The following CAMTA1 variants were observed in gnomAD, a reference collection of about 807,000 sequenced individuals.
The protein encoded by CAMTA1 is calmodulin binding transcription activator 1.
Under a neutral mutation model 170.9 loss-of-function variants are expected in CAMTA1, and 27 were observed. The ratio of observed to expected loss-of-function variants is 0.16; its 90% CI spans 0.12 to 0.22. The LOEUF (loss-of-function observed/expected upper bound fraction) is 0.22. CAMTA1 is among the 10% of genes least tolerant of loss of function. The probability of loss-of-function intolerance (pLI) is 1.00; values close to 1 mark genes in which losing one functional copy is unlikely to be tolerated. For synonymous variants in CAMTA1, 833 were observed against 891.5 expected (o/e 0.93, Z 1.17); for missense variants, 1,619 against 2,217.2 (o/e 0.73, Z 5.42).
chr1:6,991,966 TG>T (rs1696454850), intron 3 of CAMTA1, among the ~76,000 whole-genome samples: 1 of 152,264 alleles, frequency 6.6e-6, no homozygotes, highest in African/African-American at 2.4e-5. Context: ...CCTCCCAAAG[TG>T]CTGGGATTAC....
chr1:7,565,376 C>A lies in CAMTA1; in HGVS notation c.511-75024C>A, dbSNP rs1425758834. 1.3e-5 allele frequency among the ~76,000 whole-genome samples: 2 copies of A among 152,112 alleles called. No homozygotes were observed. Among genetic ancestry groups the A allele is most frequent in the Non-Finnish European group, 2.9e-5 (2 of 68,012 alleles). ...AGCAGGGGCAGAAGGCTGGTGAGGG[C>A]CCAGGGGAGCCTACTGGGACAGCTG... On this transcript the variant is annotated intron_variant, in intron 6 of 22. Transcript: ENST00000303635. The surrounding 1 kb of genome is among the most constrained non-coding windows in gnomAD (Gnocchi z 4.5).
At chr1:7,337,306 C>T (rs1007013823) in intron 5 of CAMTA1, among the ~76,000 whole-genome samples, 5 of 152,198 alleles carry the variant, frequency 3.3e-5, no homozygotes, top group East Asian at 1.9e-4. Context: ...TAGGAGAGGG[C>T]GTGTCTGATA....
Position 6,907,980 on chromosome 1 carries a change from C to T in CAMTA1, c.234+82770C>T, listed in dbSNP as rs1019794663. On this transcript the variant is annotated intron_variant, in intron 3 of 22. Coordinates refer to ENST00000303635, the MANE Select transcript of CAMTA1 (RefSeq NM_015215.4). ...TGCCTTCCGGCTCCCTCGCCAGCCT[C>T]GTGGCCTCATGTCTTGTCACTTTTT... Among the ~76,000 whole-genome samples the T allele has an allele frequency of 3.9e-5, 6 of 152,326 alleles. No homozygotes were observed. The East Asian group carries it at 9.7e-4, about 25-fold the overall frequency.
At chr1:7,182,974 T>C (rs1652521044) in intron 4 of CAMTA1, among the ~76,000 whole-genome samples, 1 of 152,200 alleles carries the variant, frequency 6.6e-6, no homozygotes, top group Non-Finnish European at 1.5e-5. Context: ...GCAAATGGGC[T>C]TAGCCCTTTT....
At chr1:7,398,189 CTCTCTATATATATATATATA>C (rs1233208115) in intron 5 of CAMTA1, among the ~76,000 whole-genome samples, 47 of 32,306 alleles carry the variant, frequency 1.5e-3, no homozygotes, top group African/African-American at 6.1e-3. Context: ...CTCTCTCTCT[CTCTCTATATATATATATATA>C]TATATATATA....
intron 6 of CAMTA1, among the ~76,000 whole-genome samples, chr1:7,491,641 G>A (rs578215701): frequency 6.6e-6 from 1 of 152,028 alleles, no homozygotes; most frequent in African/African-American, 2.4e-5. Context: ...GTGTTGATCC[G>A]TTGCCCAGGC....
intron 6 of CAMTA1, among the ~76,000 whole-genome samples, chr1:7,512,258 G>A (rs1009163219): frequency 1.3e-4 from 20 of 152,224 alleles, no homozygotes; most frequent in African/African-American, 4.8e-4. Flanking sequence ...GGCCCCAAAC[G>A]ATGGGCAGAA....
In CAMTA1 at chr1:6,970,734, A is replaced by G. The variant is rs919395902; in HGVS notation, c.235-120570A>G. On this transcript the variant is annotated intron_variant, in intron 3 of 22. Transcript: ENST00000303635. The surrounding 1 kb of genome is among the most constrained non-coding windows in gnomAD (Gnocchi z 4.4). ...TCATCCAGTCCTGGTGGGTCAGGAC[A>G]TTCTACTATAGCAAGTGCTATCTCA... 1.3e-5 allele frequency among the ~76,000 whole-genome samples: 2 copies of G among 152,202 alleles called. No homozygotes were observed. The highest frequency in any genetic ancestry group is 2.9e-5 in the Non-Finnish European group (2 of 68,032).
At chr1:6,876,466 G>T (rs572889801) in intron 3 of CAMTA1, among the ~76,000 whole-genome samples, 1 of 151,554 alleles carries the variant, frequency 6.6e-6, no homozygotes, top group Non-Finnish European at 1.5e-5. Flanking sequence ...GGGTTCTACC[G>T]ATTCTCCTGC....
chr1:7,470,394 T>A (rs1326441406), intron 6 of CAMTA1, among the ~76,000 whole-genome samples: 1 of 152,150 alleles, frequency 6.6e-6, no homozygotes, highest in Non-Finnish European at 1.5e-5. Context: ...ATTTCTCTGA[T>A]GTTAAATAGG....
At chr1:7,517,406 G>A (rs1420895359) in intron 6 of CAMTA1, among the ~76,000 whole-genome samples, 1 of 152,178 alleles carries the variant, frequency 6.6e-6, no homozygotes, top group African/African-American at 2.4e-5. Context: ...TCCCCAACCT[G>A]TGAAATGGGT....
chr1:7,137,439 G>A (rs754652619), intron 4 of CAMTA1, among the ~76,000 whole-genome samples: 3 of 152,166 alleles, frequency 2.0e-5, no homozygotes, highest in African/African-American at 4.8e-5. Flanking sequence ...CAGACCTTAC[G>A]TCCAGCAGCC....
In CAMTA1 at chr1:7,398,954, G is replaced by A. The variant is rs553366878; in HGVS notation, c.439-68876G>A. ...TAACCACTCCCCCATTTTTAATTTT[G>A]TTGCTTAATTTATATCTTTTTATAT... is the stretch of plus-strand genomic sequence containing the variant. On this transcript the variant is annotated intron_variant, in intron 5 of 22. Coordinates refer to ENST00000303635, the MANE Select transcript of CAMTA1 (RefSeq NM_015215.4). Among the ~76,000 whole-genome samples the A allele has an allele frequency of 3.3e-5, 5 of 151,968 alleles. No homozygotes were observed. In the East Asian group the frequency reaches 5.8e-4, roughly 18 times the overall value.
intron 3 of CAMTA1, among the ~76,000 whole-genome samples, chr1:6,976,294 G>A (rs1420373444): frequency 7.2e-5 from 11 of 152,192 alleles, no homozygotes; most frequent in Admixed American, 3.9e-4. Flanking sequence ...AGGACCTCCT[G>A]CTGTGTGTGT....
At chr1:7,679,858 G>T (rs1168500284) in intron 11 of CAMTA1, among the ~76,000 whole-genome samples, 1 of 152,248 alleles carries the variant, frequency 6.6e-6, no homozygotes, top group African/African-American at 2.4e-5. Flanking sequence ...GCAGATCAGG[G>T]CCCTGAAGGA....
intron 6 of CAMTA1, among the ~76,000 whole-genome samples, chr1:7,537,815 ACT>A (rs1314682868): frequency 6.6e-6 from 1 of 152,054 alleles, no homozygotes; most frequent in Non-Finnish European, 1.5e-5. Flanking sequence ...TCAAAGGGAA[ACT>A]CCAGGTTCAG....
At chr1:7,004,776 T>G (rs1006942996) in intron 3 of CAMTA1, among the ~76,000 whole-genome samples, 21 of 152,338 alleles carry the variant, frequency 1.4e-4, no homozygotes, top group African/African-American at 4.8e-4. Flanking sequence ...TTTATTTATT[T>G]ATTGATTTGG....
At chr1:7,461,201 A>G (rs986140573) in intron 5 of CAMTA1, among the ~76,000 whole-genome samples, 5 of 152,176 alleles carry the variant, frequency 3.3e-5, no homozygotes, top group African/African-American at 1.2e-4. Context: ...TCCCTGGTTG[A>G]TTCAGGCCTG....
rs570008751 is a variant in CAMTA1, at chr1:7,435,159, G to T, written c.439-32671G>T. 9.4e-4 allele frequency among the ~76,000 whole-genome samples: 143 copies of T among 152,318 alleles called. No homozygotes were observed. The highest frequency in any genetic ancestry group is 1.7e-3 in the Non-Finnish European group (115 of 68,032). On this transcript the variant is annotated intron_variant, in intron 5 of 22. Transcript: ENST00000303635. The surrounding 1 kb of genome is among the most constrained non-coding windows in gnomAD (Gnocchi z 4.4). The stretch of plus-strand genomic sequence containing the variant: ...CATTTTGGCAGGAGGAGCTCTCATG[G>T]CTTTCTCACCTCTTACAGACCCCAC...
Sources: gnomAD v4.1 joint callset for allele counts (sites outside exome capture counted in the v4.1 genomes callset) on GRCh38, gnomAD v4.1.1 for gene constraint, Gnocchi (gnomAD v3.1) non-coding constraint, MANE v1.5 for transcripts, NCBI Gene and HGNC (gene_info 2026-07-23, HGNC 2026-07-21) for gene names.